DCTN6: variants seen among roughly 807,000 people sequenced by gnomAD.
The protein encoded by DCTN6 is dynactin subunit 6.
Under a neutral mutation model 25.8 loss-of-function variants are expected in DCTN6, and 15 were observed. The ratio of observed to expected loss-of-function variants is 0.58; its 90% CI spans 0.39 to 0.89. The LOEUF (loss-of-function observed/expected upper bound fraction) is 0.89, where lower values mean the gene tolerates loss of function less well. Among genes scored for constraint, DCTN6 ranks in the 40% least tolerant of loss-of-function variants. The probability of loss-of-function intolerance (pLI) is 0.00; values close to 1 mark genes in which losing one functional copy is unlikely to be tolerated. For missense variants in DCTN6, 198 were observed against 237.6 expected (o/e 0.83, Z 1.09); for synonymous variants, 64 against 78.3 (o/e 0.82, Z 0.96).
intron 1 of DCTN6, among the ~76,000 whole-genome samples, chr8:30,158,486 A>C (rs967835961): frequency 2.0e-5 from 3 of 152,156 alleles, no homozygotes; most frequent in African/African-American, 7.2e-5. Flanking sequence ...GGATGTTTCC[A>C]GAAAACTTTC....
chr8:30,173,871 C>G (rs750815257), intron 2 of DCTN6, among the ~76,000 whole-genome samples: 3 of 152,042 alleles, frequency 2.0e-5, no homozygotes, highest in Non-Finnish European at 2.9e-5. Context: ...CTTGTTTACC[C>G]ATAAAAATTG....
chr8:30,183,342 A>C lies in DCTN6; in HGVS notation c.*169A>C. On this transcript the variant is annotated 3_prime_UTR_variant, in exon 7 of 7. Coordinates refer to ENST00000221114, the MANE Select transcript of DCTN6 (RefSeq NM_006571.4). ...GAGTTTCATTGTAACTGTCCTTTGT[A>C]ATTTATATAAATGTATTATTTTCCT... 2.2e-6 allele frequency: 1 copy of C among 446,214 alleles called. No individual in the cohort carries two copies. Among genetic ancestry groups the C allele is most frequent in the Middle Eastern group, 5.9e-4 (1 of 1,700 alleles). 27.6% of individuals were successfully genotyped at this position (446,214 alleles called of 1,614,324 possible).
chr8:30,166,939 AAG>A (rs931837432), intron 2 of DCTN6, among the ~76,000 whole-genome samples: 7 of 151,584 alleles, frequency 4.6e-5, no homozygotes, highest in African/African-American at 1.7e-4. Flanking sequence ...GAAAGACAAA[AAG>A]AGAGAGAGAG....
chr8:30,157,581 G>T (rs1000443187), intron 1 of DCTN6, among the ~76,000 whole-genome samples: 2 of 152,170 alleles, frequency 1.3e-5, no homozygotes, highest in Admixed American at 6.5e-5. Context: ...CACCAATAGT[G>T]TATAAGCTTA....
At chr8:30,176,726 C>G (rs1440372766) in intron 3 of DCTN6, 1 of 165,598 alleles carries the variant, frequency 6.0e-6, no homozygotes, top group Non-Finnish European at 1.3e-5. Context: ...TGTCTGTAAT[C>G]TCAGCACTTG....
rs755900498 is a variant in DCTN6 at position 30,164,157 on chromosome 8, A to C, written c.70A>C (p.Arg24=). 26 of 1,613,132 alleles carry C rather than the reference A, an allele frequency of 1.6e-5. No homozygotes were observed. In the South Asian group the frequency reaches 2.6e-4, roughly 16 times the overall value. The change falls in exon 2 of 7, where the codon AGA becomes CGA. Residue 24 remains arginine, a synonymous_variant. Transcript: ENST00000221114. The stretch of plus-strand genomic sequence containing the variant: ...AGTTGTATGTGTAGAAAGTGAAATC[A>C]GAGGAGATGTAACTATCGGTAAGAA... ...GAVVCVESEI[R]GDVTIGPRTV...
At chr8:30,158,132 G>T (rs141273384) in intron 1 of DCTN6, among the ~76,000 whole-genome samples, 52 of 152,282 alleles carry the variant, frequency 3.4e-4, no homozygotes, top group African/African-American at 7.5e-4. Flanking sequence ...TGATTGTGAC[G>T]CAAGCATTAC....
chr8:30,175,403 G>A (rs1803817518), intron 3 of DCTN6, among the ~76,000 whole-genome samples: 1 of 152,174 alleles, frequency 6.6e-6, no homozygotes, highest in East Asian at 1.9e-4. Context: ...CTGAGTAGCT[G>A]CCTAGAATCT....
intron 2 of DCTN6, among the ~76,000 whole-genome samples, chr8:30,171,624 T>C (rs557146833): frequency 6.6e-6 from 1 of 152,312 alleles, no homozygotes; most frequent in South Asian, 2.1e-4. Context: ...TGTCTGATCA[T>C]GTGGTGTGGA....
At chr8:30,167,431 G>A (rs1348130408) in intron 2 of DCTN6, among the ~76,000 whole-genome samples, 1 of 152,054 alleles carries the variant, frequency 6.6e-6, no homozygotes, top group Non-Finnish European at 1.5e-5. Flanking sequence ...CTACAGTGTC[G>A]AACCCCTGCA....
In DCTN6 at chr8:30,172,042, T is replaced by C. The variant is rs1237700573; in HGVS notation, c.89-3043T>C. The stretch of plus-strand genomic sequence containing the variant: ...AGAGGCAGATTGTGTCCTGTTATCA[T>C]AGAATATTTTGACGTAAAATATAAA... On this transcript the variant is annotated intron_variant, in intron 2 of 6. Coordinates refer to ENST00000221114, the MANE Select transcript of DCTN6 (RefSeq NM_006571.4). Among the ~76,000 whole-genome samples the C allele has an allele frequency of 5.3e-5, 8 of 152,288 alleles. No individual in the cohort carries two copies. The East Asian group carries it at 9.6e-4, about 18-fold the overall frequency.
At chr8:30,174,039 C>T (rs1173651899) in intron 2 of DCTN6, among the ~76,000 whole-genome samples, 1 of 152,152 alleles carries the variant, frequency 6.6e-6, no homozygotes, top group Non-Finnish European at 1.5e-5. Context: ...CGGGGTAGAC[C>T]GTGCTGGTGA....
intron 3 of DCTN6, among the ~76,000 whole-genome samples, chr8:30,175,550 G>C (rs903807837): frequency 2.1e-5 from 3 of 144,036 alleles, no homozygotes. Flanking sequence ...TTGATTTTTT[G>C]GTTGTAGCTG....
chr8:30,177,334 A>T (rs1054731391), intron 4 of DCTN6, 120 bp downstream of exon 4: 2 of 674,692 alleles, frequency 3.0e-6, no homozygotes, highest in African/African-American at 3.6e-5. Flanking sequence ...CTTCTCCTGT[A>T]GAAATTGTAA....
chr8:30,163,017 G>A (rs892850556), intron 1 of DCTN6, among the ~76,000 whole-genome samples: 1 of 151,030 alleles, frequency 6.6e-6, no homozygotes, highest in African/African-American at 2.4e-5. Flanking sequence ...AGATGAGGTC[G>A]CCGGGCACGG....
chr8:30,177,759 G>T (rs1005368217), intron 4 of DCTN6, among the ~76,000 whole-genome samples: 3 of 152,172 alleles, frequency 2.0e-5, no homozygotes, highest in African/African-American at 7.2e-5. Context: ...AGGTCATCTA[G>T]CTCTTTGAAC....
Position 30,177,155 on chromosome 8 carries a change from A to C in DCTN6, c.224A>C (p.Glu75Ala), listed in dbSNP as rs761559993. 2 of 1,613,774 alleles carry C rather than the reference A, an allele frequency of 1.2e-6. No individual in the cohort carries two copies. The highest frequency in any genetic ancestry group is 1.7e-6 in the Non-Finnish European group (2 of 1,179,832). The change falls in exon 4 of 7, where the codon GAA becomes GCA. Residue 75 changes from glutamate to alanine, a missense_variant. Transcript: ENST00000221114. Reference sequence around the variant, plus strand: ...CCAGATAATATCACTCCTGACACTGAAGATCCAGAACCAAAACCTATGATC... The same window carrying C: ...CCAGATAATATCACTCCTGACACTGCAGATCCAGAACCAAAACCTATGATC... ...AYPDNITPDT[E>A]DPEPKPMIIG...
chr8:30,159,501 C>A (rs377253309), intron 1 of DCTN6, among the ~76,000 whole-genome samples: 66 of 152,208 alleles, frequency 4.3e-4, no homozygotes, highest in Middle Eastern at 3.4e-3. Context: ...AGAATCTTTA[C>A]CCTTCTGACT....
chr8:30,166,771 G>A (rs1284185800), intron 2 of DCTN6, among the ~76,000 whole-genome samples: 1 of 152,012 alleles, frequency 6.6e-6, no homozygotes, highest in Non-Finnish European at 1.5e-5. Flanking sequence ...ACCCTCTTAT[G>A]TTCCTACCTT....
Sources: allele counts gnomAD v4.1 joint callset (sites outside exome capture counted in the v4.1 genomes callset), GRCh38; gene constraint gnomAD v4.1.1; transcripts MANE v1.5; gene names NCBI Gene and HGNC (gene_info 2026-07-23, HGNC 2026-07-21).